INPP4A: variants seen among roughly 807,000 people sequenced by gnomAD.
INPP4A encodes the protein inositol polyphosphate-4-phosphatase type I A.
A neutral mutation model predicts 119.8 loss-of-function variants in INPP4A; 33 were observed. The ratio of observed to expected loss-of-function variants is 0.28; its 90% CI spans 0.21 to 0.37. The LOEUF is 0.37. INPP4A is among the 10% of genes least tolerant of loss of function. The pLI is 1.00. For missense variants in INPP4A, 956 were observed against 1,289.9 expected (o/e 0.74, Z 3.97); for synonymous variants, 496 against 500.7 (o/e 0.99, Z 0.12).
intron 23 of INPP4A, among the ~76,000 whole-genome samples, 160 bp downstream of exon 23, chr2:98,573,087 A>C (rs570789484): frequency 2.6e-5 from 4 of 152,142 alleles, no homozygotes; most frequent in Non-Finnish European, 4.4e-5. Flanking sequence ...AAGAGACTGA[A>C]CAGTTCACAG....
intron 1 of INPP4A, among the ~76,000 whole-genome samples, chr2:98,493,229 G>T (rs1420673483): frequency 6.6e-6 from 1 of 151,960 alleles, no homozygotes; most frequent in Non-Finnish European, 1.5e-5. Context: ...CCCTTTTTTT[G>T]GATGTTGGTT....
At position 98,555,802 on chromosome 2, in the gene INPP4A, A is replaced by G. The variant is rs1694361024; in HGVS notation, c.1816A>G (p.Thr606Ala). Residue 606 changes from threonine to alanine, a missense_variant, in exon 16 of 25, where the codon ACC (threonine) becomes GCC (alanine). This residue lies in a region of INPP4A where 652 missense variants were observed against 797.9 expected (regional missense o/e 0.82). Transcript: ENST00000409851. ...CTCCACTGCATGCCATCCTCATCTG[A>G]CCACACGTGCGTATGCATCCATGCT... ...MPSTACHPHL[T>A]THCSPPPEES... The G allele has an allele frequency of 6.4e-7, 1 of 1,557,352 alleles. No homozygotes were observed. The highest frequency in any genetic ancestry group is 1.4e-5 in the African/African-American group (1 of 73,422).
rs148273079 is a variant in INPP4A at position 98,584,564 on chromosome 2, G to A, written c.2787-2912G>A. Among the ~76,000 whole-genome samples the A allele has an allele frequency of 9.5e-4, 145 of 152,388 alleles. 1 individual carries two copies. The East Asian group carries it at 0.024, about 26-fold the overall frequency. ...TCCCAGGGGGCCTCAAGGACACCAC[G>A]GCCTGATCCTTGATTGTCACCACAC... is the stretch of plus-strand genomic sequence containing the variant. On this transcript the variant is annotated intron_variant, in intron 24 of 24. Transcript: ENST00000409851.
chr2:98,522,106 G>GGT (rs1249345973), intron 4 of INPP4A, among the ~76,000 whole-genome samples: 1 of 151,928 alleles, frequency 6.6e-6, no homozygotes, highest in African/African-American at 2.4e-5. Flanking sequence ...TGGCCAACAT[G>GGT]GTGAAACCCT....
chr2:98,572,991 A>G, intron 23 of INPP4A, 64 bp downstream of exon 23: 1 of 1,217,306 alleles, frequency 8.2e-7, no homozygotes, highest in Non-Finnish European at 1.2e-6. Context: ...CATGACAGAA[A>G]CATTACAAAG....
chr2:98,482,473 G>A (rs941962698), intron 1 of INPP4A, among the ~76,000 whole-genome samples: 2 of 152,244 alleles, frequency 1.3e-5, no homozygotes, highest in Admixed American at 6.5e-5. Flanking sequence ...GATTAAAAAC[G>A]AAAGCAGCCA....
At chr2:98,445,299 C>G (rs1489699210) in intron 1 of INPP4A, among the ~76,000 whole-genome samples, 1 of 152,062 alleles carries the variant, frequency 6.6e-6, no homozygotes, top group Non-Finnish European at 1.5e-5. Context: ...ACCCCCAGCC[C>G]CGTGAAGACG....
rs998448261 is a variant in INPP4A, at chr2:98,590,034, T to G, written c.*2426T>G. On this transcript the variant is annotated 3_prime_UTR_variant, in exon 25 of 25. Coordinates refer to ENST00000409851, the MANE Select transcript of INPP4A (RefSeq NM_001134225.2). ...TTTATTTATTTGTTTTGGGCAGTAT[T>G]ACTATATATATATAAACATACAGTT... 4 of 189,738 alleles carry G rather than the reference T, an allele frequency of 2.1e-5. No individual in the cohort carries two copies. Among genetic ancestry groups the G allele is most frequent in the Non-Finnish European group, 3.3e-5 (3 of 90,450 alleles). The allele number at this position is 189,738 out of a possible 1,614,324, so 11.8% of individuals were successfully genotyped here.
intron 17 of INPP4A, among the ~76,000 whole-genome samples, chr2:98,562,560 G>C (rs1695682200): frequency 6.6e-6 from 1 of 152,196 alleles, no homozygotes. Context: ...TACTGCCTGG[G>C]CTTCACTCCA....
chr2:98,593,457 G>T lies in INPP4A; in HGVS notation c.*5849G>T, dbSNP rs1301676606. 5.3e-5 allele frequency: 8 copies of T among 152,352 alleles called. No individual in the cohort carries two copies. The highest frequency in any genetic ancestry group is 1.0e-4 in the Non-Finnish European group (7 of 68,074). 9.4% of individuals were successfully genotyped at this position (152,352 alleles called of 1,614,324 possible). On this transcript the variant is annotated 3_prime_UTR_variant, in exon 25 of 25. Coordinates refer to ENST00000409851, the MANE Select transcript of INPP4A (RefSeq NM_001134225.2). ...CCCACCACCTGCCACTAATGGCGTG[G>T]TGTTCTCCTGGGTTCCCTTTCTCAC...
At chr2:98,564,464 T>C (rs1696057696) in intron 18 of INPP4A, among the ~76,000 whole-genome samples, 176 bp from the exon 19 acceptor site, 1 of 152,172 alleles carries the variant, frequency 6.6e-6, no homozygotes. Flanking sequence ...CTGTTGGGCG[T>C]CTTCCCATGG....
intron 5 of INPP4A, among the ~76,000 whole-genome samples, chr2:98,535,409 AACTTGTTTCAGTTT>A (rs1690043943): frequency 6.6e-6 from 1 of 152,222 alleles, no homozygotes; most frequent in Non-Finnish European, 1.5e-5. Context: ...GTGGACATCC[AACTTGTTTCAGTTT>A]TTAAAAATTC....
chr2:98,538,048 G>T (rs1690660857), intron 8 of INPP4A, 74 bp downstream of exon 8: 2 of 1,002,212 alleles, frequency 2.0e-6, no homozygotes, highest in Non-Finnish European at 3.0e-6. Context: ...AGCCCTCGTG[G>T]ACTTAGCCTC....
intron 17 of INPP4A, among the ~76,000 whole-genome samples, chr2:98,562,209 C>T (rs1409390937): frequency 6.6e-6 from 1 of 152,230 alleles, no homozygotes; most frequent in Non-Finnish European, 1.5e-5. Context: ...AAATCCTGTC[C>T]ACAAACAGTT....
At chr2:98,494,677 A>G (rs956851422) in intron 1 of INPP4A, among the ~76,000 whole-genome samples, 5 of 152,242 alleles carry the variant, frequency 3.3e-5, no homozygotes, top group African/African-American at 1.2e-4. Flanking sequence ...CCGATAAGCA[A>G]TAGGCAAAAG....
At chr2:98,444,825 AG>A (rs944615459), upstream of INPP4A, 15 of 146,614 alleles carry the variant, frequency 1.0e-4, no homozygotes, top group Admixed American at 8.1e-4. Flanking sequence ...ATGCGCGACA[AG>A]GGGGCGGGGC....
rs1199095383 is a variant in INPP4A at position 98,559,515 on chromosome 2, G to A, written c.1855+20G>A. 6.2e-7 allele frequency: 1 copy of A among 1,612,600 alleles called. No individual in the cohort carries two copies. The highest frequency in any genetic ancestry group is 8.5e-7 in the Non-Finnish European group (1 of 1,178,978). On this transcript the variant is annotated intron_variant, in intron 17 of 24. Transcript: ENST00000409851. Reference sequence around the variant, plus strand: ...GCCCAGGTACGTGGTTTCCGTTCAAGGCTCCTGCTGATGCCCTTTTAATTG... The same window carrying A: ...GCCCAGGTACGTGGTTTCCGTTCAAAGCTCCTGCTGATGCCCTTTTAATTG...
rs531594116 is a variant in INPP4A, at chr2:98,480,508, G to A, written c.-166+35423G>A. ...AAAGGACTGTCGTCATTTTACCTGTGTTAGGAACATCATCACTGACTGTGG... is the reference window on the plus strand; with the variant it reads ...AAAGGACTGTCGTCATTTTACCTGTATTAGGAACATCATCACTGACTGTGG... On this transcript the variant is annotated intron_variant, in intron 1 of 24. Coordinates refer to ENST00000409851, the MANE Select transcript of INPP4A (RefSeq NM_001134225.2). Among the ~76,000 whole-genome samples, 75 of 152,312 alleles carry A rather than the reference G, an allele frequency of 4.9e-4. 1 individual carries two copies. Among genetic ancestry groups the A allele is most frequent in the South Asian group, 1.2e-3 (6 of 4,830 alleles).
chr2:98,488,090 CTT>C (rs1345312872), intron 1 of INPP4A, among the ~76,000 whole-genome samples: 1 of 152,178 alleles, frequency 6.6e-6, no homozygotes, highest in Non-Finnish European at 1.5e-5. Context: ...ATTGTTCCAG[CTT>C]TGGCCACTGG....
Sources: gnomAD v4.1 joint callset for allele counts (sites outside exome capture counted in the v4.1 genomes callset) on GRCh38, gnomAD v4.1.1 for gene constraint, gnomAD v4.1.1 regional missense constraint, MANE v1.5 for transcripts, NCBI Gene and HGNC (gene_info 2026-07-23, HGNC 2026-07-21) for gene names.